Variants in CCDC30 observed in about 807,000 individuals in gnomAD.
The protein encoded by CCDC30 is coiled-coil domain containing 30.
Under a neutral mutation model 100.2 loss-of-function variants are expected in CCDC30, and 70 were observed. That is an observed-to-expected ratio of 0.70 (90% confidence interval 0.58 to 0.85). The LOEUF is 0.85. Among genes scored for constraint, CCDC30 ranks in the 40% least tolerant of loss-of-function variants. The pLI is 0.00. For missense variants in CCDC30, 652 were observed against 771.2 expected, an observed-to-expected ratio of 0.85 and a Z score of 1.83; for synonymous variants, 233 against 269.5, an observed-to-expected ratio of 0.86 and a Z score of 1.33.
chr1:42,656,561 G>A (rs1648666641), downstream of CCDC30, among the ~76,000 whole-genome samples: 3 of 152,130 alleles, frequency 2.0e-5, no homozygotes, highest in Admixed American at 2.0e-4. Context: ...AACCCAAGAG[G>A]TAGAAGTTTC....
the CCDC30 span, among the ~76,000 whole-genome samples, chr1:42,457,881 G>A: frequency 6.6e-6 from 1 of 151,928 alleles, no homozygotes; most frequent in East Asian, 1.9e-4. Context: ...CTTGAAACCA[G>A]GAGGCGGAGG....
At chr1:42,619,071 G>T (rs943137727) in intron 11 of CCDC30, among the ~76,000 whole-genome samples, 2 of 152,092 alleles carry the variant, frequency 1.3e-5, no homozygotes, top group Non-Finnish European at 2.9e-5. Flanking sequence ...AAAAATCGGG[G>T]TATATAATGT....
intron 6 of CCDC30, among the ~76,000 whole-genome samples, chr1:42,559,490 A>T (rs1645441690): frequency 6.6e-6 from 1 of 152,232 alleles, no homozygotes; most frequent in Non-Finnish European, 1.5e-5. Flanking sequence ...CAGGGGTTGC[A>T]ATCCTAGTCT....
chr1:42,598,162 G>A (rs553887586), intron 10 of CCDC30, among the ~76,000 whole-genome samples: 1 of 151,868 alleles, frequency 6.6e-6, no homozygotes, highest in Non-Finnish European at 1.5e-5. Context: ...TACATAAATA[G>A]TAAAGTATTA....
intron 12 of CCDC30, among the ~76,000 whole-genome samples, chr1:42,638,559 C>CAA (rs55773821): frequency 2.4e-4 from 28 of 116,378 alleles, no homozygotes; most frequent in African/African-American, 7.9e-4. Flanking sequence ...CACCCATGGG[C>CAA]AAAAAAAAAA....
intron 11 of CCDC30, among the ~76,000 whole-genome samples, chr1:42,632,052 C>T (rs1234703496): frequency 2.0e-5 from 3 of 152,184 alleles, no homozygotes; most frequent in Non-Finnish European, 4.4e-5. Context: ...AGGAGTTTCA[C>T]CCTGTAGCCA....
intron 1 of CCDC30, among the ~76,000 whole-genome samples, chr1:42,466,361 T>C (rs564289309): frequency 3.5e-4 from 53 of 152,304 alleles, no homozygotes; most frequent in Middle Eastern, 3.4e-3. Context: ...CCATTCTCCT[T>C]GTCCTCTTCT....
At chr1:42,456,419 C>T in the CCDC30 span, 1 of 892,170 alleles carries the variant, frequency 1.1e-6, no homozygotes, top group Non-Finnish European at 1.6e-6. Flanking sequence ...CTACGCATTT[C>T]CAGACTTGGC....
chr1:42,521,544 A>G (rs927033236), intron 6 of CCDC30, among the ~76,000 whole-genome samples: 7 of 152,270 alleles, frequency 4.6e-5, no homozygotes, highest in African/African-American at 1.7e-4. Context: ...TGTTGGTTAT[A>G]GCATCTTGTA....
chr1:42,632,760 CA>C (rs58023514), intron 11 of CCDC30, among the ~76,000 whole-genome samples: 88,291 of 142,550 alleles, frequency 0.62, 26,526 homozygotes, highest in South Asian at 0.7. Context: ...AACTCCATCT[CA>C]AAAAAAAAAA....
At chr1:42,621,369 G>A (rs1336483545) in intron 11 of CCDC30, among the ~76,000 whole-genome samples, 3 of 151,750 alleles carry the variant, frequency 2.0e-5, no homozygotes, top group Middle Eastern at 3.2e-3. Flanking sequence ...GGCTGGGAGT[G>A]CAGTGGCGCA....
intron 6 of CCDC30, among the ~76,000 whole-genome samples, chr1:42,520,612 G>C (rs1644624239): frequency 7.0e-6 from 1 of 142,484 alleles, no homozygotes; most frequent in Admixed American, 7.2e-5. Context: ...TTACAGGCAT[G>C]AGCCACCACG....
At chr1:42,487,157 A>G (rs1413548807) in intron 3 of CCDC30, among the ~76,000 whole-genome samples, 1 of 150,368 alleles carries the variant, frequency 6.7e-6, no homozygotes, top group Non-Finnish European at 1.5e-5. Context: ...GTGGTTGTCT[A>G]GGGCTAGGTA....
At chr1:42,482,011 G>A (rs550593414) in intron 2 of CCDC30, among the ~76,000 whole-genome samples, 5 of 152,240 alleles carry the variant, frequency 3.3e-5, no homozygotes, top group African/African-American at 4.8e-5. Context: ...GAGGTCAGGA[G>A]TTCGAGACCA....
intron 6 of CCDC30, among the ~76,000 whole-genome samples, chr1:42,518,518 A>G (rs1448534800): frequency 1.3e-5 from 2 of 152,160 alleles, no homozygotes; most frequent in Admixed American, 6.5e-5. Flanking sequence ...TAGATATACA[A>G]ATACCATTTT....
chr1:42,549,578 T>C (rs1386211161), intron 6 of CCDC30, among the ~76,000 whole-genome samples: 1 of 150,320 alleles, frequency 6.7e-6, no homozygotes, highest in East Asian at 1.9e-4. Flanking sequence ...TCTCTATATG[T>C]ATAACATGAG....
intron 11 of CCDC30, among the ~76,000 whole-genome samples, chr1:42,632,958 C>T (rs372642410): frequency 2.0e-5 from 3 of 151,800 alleles, no homozygotes; most frequent in Admixed American, 6.5e-5. Context: ...TACAGATGTG[C>T]GTCACTATGC....
upstream of CCDC30, among the ~76,000 whole-genome samples, chr1:42,461,853 T>C (rs1039799414): frequency 4.1e-4 from 62 of 152,130 alleles, 1 homozygote; most frequent in Non-Finnish European, 1.2e-4. Flanking sequence ...CCACCCAGGC[T>C]CCTTTGACAA....
At chr1:42,578,507 T>A (rs190402188) in intron 8 of CCDC30, among the ~76,000 whole-genome samples, 101 of 152,342 alleles carry the variant, frequency 6.6e-4, no homozygotes, top group Non-Finnish European at 4.4e-5. Context: ...ATATGTAGGT[T>A]ACTTTACCAT....
Sources: allele counts gnomAD v4.1 joint callset (sites outside exome capture counted in the v4.1 genomes callset), GRCh38; gene constraint gnomAD v4.1.1; transcripts MANE v1.5; gene names NCBI Gene and HGNC (gene_info 2026-07-23, HGNC 2026-07-21).